Variants in HSD17B12 observed in about 807,000 individuals in gnomAD.
The protein encoded by HSD17B12 is hydroxysteroid 17-beta dehydrogenase 12.
HSD17B12 carries 32 observed loss-of-function variants against 39.3 expected under a neutral mutation model. The ratio of observed to expected loss-of-function variants is 0.81; its 90% CI spans 0.61 to 1.09. The LOEUF (loss-of-function observed/expected upper bound fraction) is 1.09. HSD17B12 is among the 50% of genes least tolerant of loss of function. The pLI is 0.00. For missense variants in HSD17B12, 342 were observed against 382.9 expected (o/e 0.89, Z 0.89); for synonymous variants, 150 against 146.7 (o/e 1.02, Z -0.16).
chr11:43,743,125 A>T (rs889045197), intron 1 of HSD17B12, among the ~76,000 whole-genome samples: 1 of 152,190 alleles, frequency 6.6e-6, no homozygotes, highest in Non-Finnish European at 1.5e-5. Flanking sequence ...GATAGGAAAA[A>T]ATGTTCTTGC....
rs1020552150 is a variant in HSD17B12, at chr11:43,719,207, G to T, written c.161-31704G>T. 24 of 671,086 alleles carry T rather than the reference G, an allele frequency of 3.6e-5. No individual in the cohort carries two copies. In the African/African-American group the frequency reaches 4.1e-4, roughly 11 times the overall value. The allele number at this position is 671,086 out of a possible 1,614,324, so 41.6% of individuals were successfully genotyped here. A position where few individuals can be genotyped will look rare whatever the true frequency, so the allele number is the denominator to read the frequency against. ...ATCTTTTCACCATATACATGCCTCT[G>T]TCAATTTCTGGTTGGGCTGGGAGGC... On this transcript the variant is annotated intron_variant, in intron 1 of 10. Coordinates refer to ENST00000278353, the MANE Select transcript of HSD17B12 (RefSeq NM_016142.3).
At chr11:43,789,148 A>G (rs1371111238) in intron 3 of HSD17B12, among the ~76,000 whole-genome samples, 4 of 152,174 alleles carry the variant, frequency 2.6e-5, no homozygotes. Context: ...AACTCCACAC[A>G]AATGTTACCT....
chr11:43,668,214 G>T, the HSD17B12 span, among the ~76,000 whole-genome samples: 1 of 152,276 alleles, frequency 6.6e-6, no homozygotes, highest in South Asian at 2.1e-4. Flanking sequence ...TTATTTTCTG[G>T]AGATACTAGG....
intron 7 of HSD17B12, among the ~76,000 whole-genome samples, chr11:43,832,744 T>C (rs897876752): frequency 2.2e-4 from 34 of 152,062 alleles, no homozygotes; most frequent in African/African-American, 8.0e-4. Context: ...AGAAATCAAG[T>C]TGAAGCTGGG....
At chr11:43,734,453 C>T (rs1209461416) in intron 1 of HSD17B12, 1 of 707,764 alleles carries the variant, frequency 1.4e-6, no homozygotes, top group Non-Finnish European at 2.6e-6. Context: ...AGGGGACAGC[C>T]TGATCGAGCT....
At chr11:43,806,935 T>C (rs1323995354) in intron 4 of HSD17B12, among the ~76,000 whole-genome samples, 2 of 152,178 alleles carry the variant, frequency 1.3e-5, no homozygotes, top group African/African-American at 2.4e-5. Flanking sequence ...CCTGAAAACT[T>C]GTACATTTAA....
intron 1 of HSD17B12, chr11:43,723,995 T>A (rs1182487981): frequency 6.6e-6 from 1 of 152,138 alleles, no homozygotes; most frequent in Non-Finnish European, 1.5e-5. Flanking sequence ...ATGTATTAGA[T>A]GCTTCAATTC....
chr11:43,839,702 A>G lies in HSD17B12; in HGVS notation c.619-297A>G, dbSNP rs533541165. 2.6e-5 allele frequency among the ~76,000 whole-genome samples: 4 copies of G among 152,168 alleles called. No homozygotes were observed. The East Asian group carries it at 7.7e-4, about 29-fold the overall frequency. ...GTCTTTTGTTATATAAGAGAAAAAT[A>G]TTTTTTCTTGGAAAGTAATTTTCTG... On this transcript the variant is annotated intron_variant, in intron 8 of 10. Transcript: ENST00000278353.
At chr11:43,613,033 C>T in the HSD17B12 span, among the ~76,000 whole-genome samples, 1 of 152,188 alleles carries the variant, frequency 6.6e-6, no homozygotes, top group East Asian at 1.9e-4. Context: ...GTTTGTTAGG[C>T]CCCTATTAGC....
chr11:43,800,960 G>A (rs1454330396), intron 4 of HSD17B12, among the ~76,000 whole-genome samples: 3 of 152,010 alleles, frequency 2.0e-5, no homozygotes, highest in African/African-American at 7.2e-5. Context: ...CTAACATGAC[G>A]AAACCCCATC....
the HSD17B12 span, among the ~76,000 whole-genome samples, chr11:43,631,906 G>C: frequency 6.6e-6 from 1 of 152,068 alleles, no homozygotes; most frequent in African/African-American, 2.4e-5. Flanking sequence ...CTATCGCACT[G>C]TTTCCTCTTT....
the HSD17B12 span, among the ~76,000 whole-genome samples, chr11:43,604,556 A>T: frequency 6.6e-6 from 1 of 151,964 alleles, no homozygotes; most frequent in Non-Finnish European, 1.5e-5. Flanking sequence ...TAAAATAATG[A>T]TGTCAAAAAC....
At chr11:43,729,744 A>T (rs1950251872) in intron 1 of HSD17B12, among the ~76,000 whole-genome samples, 1 of 152,200 alleles carries the variant, frequency 6.6e-6, no homozygotes, top group East Asian at 1.9e-4. Context: ...TAGCTTATCT[A>T]AGAAGTTGAA....
At chr11:43,680,421 T>A (rs946277597), upstream of HSD17B12, 11 of 222,800 alleles carry the variant, frequency 4.9e-5, no homozygotes, top group Non-Finnish European at 9.3e-5. Context: ...GCTTCTCTGA[T>A]CCCATTTCCT....
chr11:43,643,264 T>C, the HSD17B12 span, among the ~76,000 whole-genome samples: 1 of 152,138 alleles, frequency 6.6e-6, no homozygotes, highest in South Asian at 2.1e-4. Context: ...GATATTGAAC[T>C]TACATTGATG....
intron 1 of HSD17B12, among the ~76,000 whole-genome samples, chr11:43,747,154 T>A (rs1950419339): frequency 6.6e-6 from 1 of 152,220 alleles, no homozygotes; most frequent in African/African-American, 2.4e-5. Context: ...CCGATCATCA[T>A]TTAAACACTT....
At chr11:43,654,926 T>C in the HSD17B12 span, among the ~76,000 whole-genome samples, 4 of 152,208 alleles carry the variant, frequency 2.6e-5, no homozygotes, top group Non-Finnish European at 5.9e-5. Context: ...AAGTAGTTTT[T>C]TCCAATTCTG....
At chr11:43,612,375 G>A in the HSD17B12 span, among the ~76,000 whole-genome samples, 2 of 152,160 alleles carry the variant, frequency 1.3e-5, no homozygotes, top group South Asian at 4.2e-4. Context: ...GCATTTTCTT[G>A]CTTTAAAAGG....
intron 1 of HSD17B12, among the ~76,000 whole-genome samples, chr11:43,704,211 C>G (rs1411302048): frequency 6.6e-6 from 1 of 152,160 alleles, no homozygotes; most frequent in Non-Finnish European, 1.5e-5. Flanking sequence ...TAGAAAAGGA[C>G]TTAATTCCAG....
Sources: allele counts gnomAD v4.1 joint callset (sites outside exome capture counted in the v4.1 genomes callset), GRCh38; gene constraint gnomAD v4.1.1; transcripts MANE v1.5; gene names NCBI Gene and HGNC (gene_info 2026-07-23, HGNC 2026-07-21).